PLXNA2: variants seen among roughly 807,000 people sequenced by gnomAD.
PLXNA2 encodes plexin-A2.
Under a neutral mutation model 193.5 loss-of-function variants are expected in PLXNA2, and 91 were observed. The ratio of observed to expected loss-of-function variants is 0.47; its 90% CI spans 0.40 to 0.56. The LOEUF (loss-of-function observed/expected upper bound fraction) is 0.56, where lower values mean the gene tolerates loss of function less well. Ranked by LOEUF, PLXNA2 falls within the 20% of genes least tolerant of loss-of-function variation. The pLI, the probability that PLXNA2 is intolerant of heterozygous loss-of-function variation, is 0.00. For synonymous variants in PLXNA2, 997 were observed against 1,027.3 expected (o/e 0.97, Z 0.56); for missense variants, 1,995 against 2,503.2 (o/e 0.80, Z 4.33).
intron 2 of PLXNA2, among the ~76,000 whole-genome samples, chr1:208,216,142 C>A (rs1220867006): frequency 2.0e-5 from 3 of 152,218 alleles, no homozygotes. Context: ...GATCTGGCTG[C>A]AGTTGCCTCC....
At chr1:208,031,486 C>A in intron 29 of PLXNA2, 104 bp downstream of exon 29, 1 of 1,458,348 alleles carries the variant, frequency 6.9e-7, no homozygotes, top group South Asian at 1.2e-5. Flanking sequence ...CCAGCCCCAG[C>A]CGAGAATAGG....
chr1:208,207,845 A>G (rs1029002509), intron 3 of PLXNA2, among the ~76,000 whole-genome samples: 1 of 152,152 alleles, frequency 6.6e-6, no homozygotes, highest in Non-Finnish European at 1.5e-5. Context: ...AGCTGCACAG[A>G]GGAGGAAGGA....
chr1:208,098,228 A>G (rs1342035622), intron 6 of PLXNA2, among the ~76,000 whole-genome samples: 1 of 152,186 alleles, frequency 6.6e-6, no homozygotes, highest in Non-Finnish European at 1.5e-5. Context: ...ATGAACTGAA[A>G]TCTTGGAAGG....
intron 3 of PLXNA2, among the ~76,000 whole-genome samples, chr1:208,175,702 G>T (rs185884146): frequency 2.5e-4 from 38 of 152,272 alleles, no homozygotes; most frequent in Admixed American, 1.4e-3. Context: ...CTCCCCAGGG[G>T]AATGGGCTGG....
At chr1:208,131,181 T>C (rs1014274135) in intron 4 of PLXNA2, among the ~76,000 whole-genome samples, 1 of 152,170 alleles carries the variant, frequency 6.6e-6, no homozygotes, top group Non-Finnish European at 1.5e-5. Context: ...GGACTTCCAA[T>C]TGCGCTTGTC....
chr1:208,190,154 G>T (rs1054317008), intron 3 of PLXNA2, among the ~76,000 whole-genome samples: 2 of 152,122 alleles, frequency 1.3e-5, no homozygotes, highest in African/African-American at 4.8e-5. Flanking sequence ...GCAGAAAAGG[G>T]ATTTTTTTTT....
chr1:208,157,828 A>G lies in PLXNA2; in HGVS notation c.1372-15365T>C, dbSNP rs1477848352. On this transcript the variant is annotated intron_variant, in intron 3 of 31. Coordinates refer to ENST00000367033, the MANE Select transcript of PLXNA2 (RefSeq NM_025179.4). Reference sequence around the variant, plus strand: ...TTGTAAAATGGAAGAATGAATGAATAAATTAATGAATGAATGCTTTTCTGG... The same window carrying G: ...TTGTAAAATGGAAGAATGAATGAATGAATTAATGAATGAATGCTTTTCTGG... Among the ~76,000 whole-genome samples the G allele has an allele frequency of 2.6e-5, 4 of 152,258 alleles. No individual in the cohort carries two copies. In the East Asian group the frequency reaches 7.7e-4, roughly 29 times the overall value.
chr1:208,167,761 T>C (rs1194241294), intron 3 of PLXNA2, among the ~76,000 whole-genome samples: 2 of 152,214 alleles, frequency 1.3e-5, no homozygotes. Flanking sequence ...TTCTGCTTAA[T>C]ACAAATTGTG....
At chr1:208,168,143 C>T (rs774452287) in intron 3 of PLXNA2, among the ~76,000 whole-genome samples, 6 of 152,270 alleles carry the variant, frequency 3.9e-5, no homozygotes, top group East Asian at 3.9e-4. Context: ...GTAGGGACAG[C>T]GATACCTACA....
At chr1:208,169,109 TATTGAAC>T (rs1220527821) in intron 3 of PLXNA2, among the ~76,000 whole-genome samples, 2 of 152,084 alleles carry the variant, frequency 1.3e-5, no homozygotes, top group Admixed American at 1.3e-4. Context: ...CAGACCAAGT[TATTGAAC>T]ATGGAACAGC....
intron 28 of PLXNA2, 67 bp downstream of exon 28, chr1:208,033,252 G>C: frequency 7.1e-7 from 1 of 1,399,676 alleles, no homozygotes; most frequent in South Asian, 1.3e-5. Flanking sequence ...CATCCTTTCT[G>C]TGTTGTGGAG....
At chr1:208,034,631 G>A in intron 26 of PLXNA2, 39 bp from the exon 27 acceptor site, 2 of 1,323,240 alleles carry the variant, frequency 1.5e-6, no homozygotes, top group Non-Finnish European at 2.2e-6. Context: ...AAAGGTGAAT[G>A]TAGGTGTCTT....
intron 4 of PLXNA2, among the ~76,000 whole-genome samples, chr1:208,105,928 G>C (rs548037820): frequency 4.7e-4 from 72 of 152,286 alleles, no homozygotes; most frequent in South Asian, 4.2e-4. Flanking sequence ...GCTGGGAAAA[G>C]GGGCCCTGAA....
chr1:208,066,804 T>A (rs538090719), intron 12 of PLXNA2, among the ~76,000 whole-genome samples: 2 of 152,206 alleles, frequency 1.3e-5, no homozygotes, highest in African/African-American at 4.8e-5. Flanking sequence ...GATAAGGAGG[T>A]GGAAGACAGT....
chr1:208,205,687 T>C (rs975468005), intron 3 of PLXNA2, among the ~76,000 whole-genome samples: 1 of 152,218 alleles, frequency 6.6e-6, no homozygotes, highest in African/African-American at 2.4e-5. Flanking sequence ...CCCTGGTTGG[T>C]GACCATCCAG....
At position 208,082,461 on chromosome 1, in the gene PLXNA2, A is replaced by C. The variant is rs757154127; in HGVS notation, c.2346T>G (p.Ala782=). The change falls in exon 11 of 32, where the codon GCT becomes GCG. Residue 782 remains alanine (A), a synonymous_variant. Coordinates refer to ENST00000367033, the MANE Select transcript of PLXNA2 (RefSeq NM_025179.4). This position sits in a 1 kb window ranked among gnomAD's most constrained non-coding sequence, Gnocchi z 4.2. ...TGATGAAATTGCCGTTCCACACCAC[A>C]GCGAAATCCACGGCCAGATTGCTGA... The part of the protein sequence containing the change: ...MDISNLAVDF[A]VVWNGNFIID... 1 of 1,614,088 alleles carries C rather than the reference A, an allele frequency of 6.2e-7. No homozygotes were observed. Among genetic ancestry groups the C allele is most frequent in the Non-Finnish European group, 8.5e-7 (1 of 1,179,996 alleles).
rs1294683883 is a variant in PLXNA2 at position 208,025,244 on chromosome 1, C to T, written c.*1999G>A. The T allele has an allele frequency of 6.6e-6, 1 of 152,540 alleles. No individual in the cohort carries two copies. The highest frequency in any genetic ancestry group is 2.4e-5 in the African/African-American group (1 of 41,430). 9.4% of individuals were successfully genotyped at this position (152,540 alleles called of 1,614,324 possible). On this transcript the variant is annotated 3_prime_UTR_variant, in exon 32 of 32. Transcript: ENST00000367033. ...TCTGCTGTGTGGTTAGACAGCGATC[C>T]AAAGCTACACGCCAAGGATGGAAGC...
intron 1 of PLXNA2, among the ~76,000 whole-genome samples, chr1:208,221,128 C>T (rs1269265196): frequency 6.6e-6 from 1 of 152,198 alleles, no homozygotes; most frequent in Non-Finnish European, 1.5e-5. Flanking sequence ...CCTGGGTTCA[C>T]ATTCTGCCTG....
Position 208,096,019 on chromosome 1 carries a change from A to T in PLXNA2, c.1982+10T>A, listed in dbSNP as rs373014000. The T allele has an allele frequency of 1.2e-6, 2 of 1,601,370 alleles. No individual in the cohort carries two copies. Among genetic ancestry groups the T allele is most frequent in the African/African-American group, 1.3e-5 (1 of 74,576 alleles). On this transcript the variant is annotated intron_variant, in intron 8 of 31. Coordinates refer to ENST00000367033, the MANE Select transcript of PLXNA2 (RefSeq NM_025179.4). ...GACCCAGAGCAAGACCCTTTCTAAT[A>T]AGCACTTACAGTTGGTGGGCACTGC...
Sources: allele counts gnomAD v4.1 joint callset (sites outside exome capture counted in the v4.1 genomes callset), GRCh38; gene constraint gnomAD v4.1.1; non-coding constraint Gnocchi (gnomAD v3.1); transcripts MANE v1.5; gene names NCBI Gene and HGNC (gene_info 2026-07-23, HGNC 2026-07-21).